The following ZMPSTE24 variants were observed in gnomAD, a reference collection of about 807,000 sequenced individuals.
ZMPSTE24 encodes zinc metallopeptidase STE24.
A neutral mutation model predicts 56.7 loss-of-function variants in ZMPSTE24; 48 were observed. That is an observed-to-expected ratio of 0.85 (90% CI 0.67 to 1.08). The LOEUF is 1.08. Ranked by LOEUF, ZMPSTE24 falls within the 50% of genes least tolerant of loss-of-function variation. The pLI, the probability that ZMPSTE24 is intolerant of heterozygous loss-of-function variation, is 0.00. For synonymous variants in ZMPSTE24, 172 were observed against 195.2 expected, an observed-to-expected ratio of 0.88 and a Z score of 0.99; for missense variants, 503 against 548.7, an observed-to-expected ratio of 0.92 and a Z score of 0.83.
intron 6 of ZMPSTE24, among the ~76,000 whole-genome samples, chr1:40,274,661 G>A (rs765400581): frequency 2.0e-5 from 3 of 152,192 alleles, no homozygotes; most frequent in Non-Finnish European, 4.4e-5. Context: ...TGGATTTTGA[G>A]TTCAGTGGGA....
intron 6 of ZMPSTE24, among the ~76,000 whole-genome samples, chr1:40,277,964 C>CA (rs35695915): frequency 0.35 from 15,917 of 45,780 alleles, 2,385 homozygotes; most frequent in Non-Finnish European, 0.39. Flanking sequence ...GACTCCATCT[C>CA]AAAAAAAAAA....
In ZMPSTE24 at chr1:40,265,641, A is replaced by G. The variant is rs571383993; in HGVS notation, c.271-2145A>G. 5.9e-5 allele frequency among the ~76,000 whole-genome samples: 9 copies of G among 152,294 alleles called. 1 individual carries two copies. The South Asian group carries it at 1.9e-3, about 32-fold the overall frequency. ...AACCCAGGAGTTCAAAAATTCAGTA[A>G]GCTATGATCATAACACTGCTCCCTA... On this transcript the variant is annotated intron_variant, in intron 2 of 9. Coordinates refer to ENST00000372759, the MANE Select transcript of ZMPSTE24 (RefSeq NM_005857.5).
At chr1:40,281,292 G>A (rs1393314586) in intron 6 of ZMPSTE24, 51 bp from the exon 7 acceptor site, 1 of 1,576,536 alleles carries the variant, frequency 6.3e-7, no homozygotes, top group Non-Finnish European at 8.7e-7. Flanking sequence ...CTCTCCAAAG[G>A]ACCCCAAACT....
At chr1:40,288,413 A>G (rs1412247485) in intron 8 of ZMPSTE24, among the ~76,000 whole-genome samples, 8 of 152,202 alleles carry the variant, frequency 5.3e-5, no homozygotes, top group Admixed American at 3.9e-4. Flanking sequence ...AAGGGTTCCA[A>G]TGGAATCAGC....
At chr1:40,273,516 T>A (rs1274082211) in intron 6 of ZMPSTE24, among the ~76,000 whole-genome samples, 1 of 10,584 alleles carries the variant, frequency 9.4e-5, no homozygotes, top group East Asian at 3.0e-3. Context: ...AAATTCTGTC[T>A]AAAAAAAAAA....
chr1:40,263,079 A>G (rs760371024), intron 2 of ZMPSTE24: 119 of 785,788 alleles, frequency 1.5e-4, no homozygotes, highest in Non-Finnish European at 1.8e-4. Context: ...AGCATTTTCA[A>G]TCTCCTTGGT....
intron 2 of ZMPSTE24, among the ~76,000 whole-genome samples, chr1:40,261,638 G>A (rs956256507): frequency 3.9e-5 from 6 of 152,118 alleles, no homozygotes; most frequent in Non-Finnish European, 7.4e-5. Context: ...CCTAGTGCCT[G>A]GCATGTAATC....
rs752526551 is a variant in ZMPSTE24 at position 40,269,956 on chromosome 1, T to C, written c.475-19T>C. 3.1e-6 allele frequency: 5 copies of C among 1,599,302 alleles called. No homozygotes were observed. The highest frequency in any genetic ancestry group is 3.4e-6 in the Non-Finnish European group (4 of 1,175,920). ...GAACCAGTTTCTCAGTTTCTTGTGG[T>C]AATGTTTTCTTTTTGCAGACTTTGG... On this transcript the variant is annotated intron_variant, in intron 4 of 9. Coordinates refer to ENST00000372759, the MANE Select transcript of ZMPSTE24 (RefSeq NM_005857.5).
At chr1:40,280,871 C>G (rs1167397762) in intron 6 of ZMPSTE24, among the ~76,000 whole-genome samples, 1 of 152,122 alleles carries the variant, frequency 6.6e-6, no homozygotes, top group Non-Finnish European at 1.5e-5. Context: ...AGAATGTATT[C>G]CAATATCAAA....
At chr1:40,260,793 T>C (rs767346962) in intron 1 of ZMPSTE24, 46 bp from the exon 2 acceptor site, 1 of 1,585,942 alleles carries the variant, frequency 6.3e-7, no homozygotes, top group Non-Finnish European at 8.6e-7. Flanking sequence ...ATGACTATTG[T>C]AATAAACAAC....
chr1:40,266,571 C>G (rs1643550664), intron 2 of ZMPSTE24, among the ~76,000 whole-genome samples: 2 of 152,104 alleles, frequency 1.3e-5, no homozygotes, highest in South Asian at 4.1e-4. Flanking sequence ...CTCACCTCTT[C>G]CTGACCCAGC....
intron 1 of ZMPSTE24, among the ~76,000 whole-genome samples, 179 bp downstream of exon 1, chr1:40,258,573 C>G (rs1468754773): frequency 6.6e-6 from 1 of 152,078 alleles, no homozygotes; most frequent in Non-Finnish European, 1.5e-5. Flanking sequence ...GGTCTTGGTG[C>G]GTCAAGGAAG....
chr1:40,289,506 TA>T (rs1341691541), intron 8 of ZMPSTE24, among the ~76,000 whole-genome samples: 10 of 152,336 alleles, frequency 6.6e-5, no homozygotes, highest in Admixed American at 6.5e-4. Flanking sequence ...TCCACTGAGT[TA>T]TAAGGATGAG....
chr1:40,259,798 G>GA (rs977345848), intron 1 of ZMPSTE24, among the ~76,000 whole-genome samples: 8 of 151,880 alleles, frequency 5.3e-5, no homozygotes, highest in Non-Finnish European at 1.0e-4. Context: ...TTTTTGTAGA[G>GA]ATGTTGCCCG....
intron 7 of ZMPSTE24, among the ~76,000 whole-genome samples, chr1:40,283,871 T>A (rs1643755684): frequency 6.6e-6 from 1 of 151,942 alleles, no homozygotes. Context: ...CCATTTTAAA[T>A]ATATCTCTTT....
At chr1:40,262,832 A>G in intron 2 of ZMPSTE24, 1 of 1,174,000 alleles carries the variant, frequency 8.5e-7, no homozygotes, top group Non-Finnish European at 1.1e-6. Flanking sequence ...CTGTTTCACC[A>G]GTTCCAGAGA....
chr1:40,270,199 T>G (rs1020190913), intron 5 of ZMPSTE24, 72 bp downstream of exon 5: 89 of 1,526,652 alleles, frequency 5.8e-5, no homozygotes, highest in Non-Finnish European at 7.7e-5. Context: ...TTCATTGGCA[T>G]GTAAACAGTT....
At chr1:40,271,146 C>T (rs768228806) in intron 5 of ZMPSTE24, among the ~76,000 whole-genome samples, 1 of 152,174 alleles carries the variant, frequency 6.6e-6, no homozygotes, top group African/African-American at 2.4e-5. Context: ...TGCACTACAG[C>T]TTTGAGCTCC....
chr1:40,281,562 T>C, intron 7 of ZMPSTE24, 35 bp downstream of exon 7: 1 of 1,597,054 alleles, frequency 6.3e-7, no homozygotes, highest in Non-Finnish European at 8.6e-7. Context: ...TCTACCTTAG[T>C]TTTTATACAC....
Sources: gnomAD v4.1 joint callset for allele counts (sites outside exome capture counted in the v4.1 genomes callset) on GRCh38, gnomAD v4.1.1 for gene constraint, MANE v1.5 for transcripts, NCBI Gene and HGNC (gene_info 2026-07-23, HGNC 2026-07-21) for gene names.